Variants in MAPK4 observed in about 807,000 individuals in gnomAD.
MAPK4 encodes Erk3-related.
A neutral mutation model predicts 47.7 loss-of-function variants in MAPK4; 22 were observed. That is an observed-to-expected ratio of 0.46 (90% confidence interval 0.33 to 0.66). The LOEUF (loss-of-function observed/expected upper bound fraction) is 0.66. Among genes scored for constraint, MAPK4 ranks in the 30% least tolerant of loss-of-function variants. The pLI is 0.02. For synonymous variants in MAPK4, 390 were observed against 365.7 expected, an observed-to-expected ratio of 1.07 and a Z score of -0.76; for missense variants, 736 against 831.7, an observed-to-expected ratio of 0.88 and a Z score of 1.42.
At chr18:50,590,306 T>C (rs753256687) in intron 1 of MAPK4, among the ~76,000 whole-genome samples, 2 of 152,224 alleles carry the variant, frequency 1.3e-5, no homozygotes, top group African/African-American at 4.8e-5. Flanking sequence ...TGTAAAAACA[T>C]ACTATTTCTA....
intron 3 of MAPK4, among the ~76,000 whole-genome samples, chr18:50,719,957 G>A (rs3794900): frequency 0.37 from 56,662 of 152,028 alleles, 11,544 homozygotes; most frequent in Non-Finnish European, 0.47. Context: ...CACCTTCCCC[G>A]GAAGTCCTTC....
intron 1 of MAPK4, among the ~76,000 whole-genome samples, chr18:50,606,995 G>A (rs2042588449): frequency 6.6e-6 from 1 of 152,212 alleles, no homozygotes; most frequent in South Asian, 2.1e-4. Context: ...ACATAGCGTG[G>A]TTAAGAAATA....
intron 2 of MAPK4, among the ~76,000 whole-genome samples, chr18:50,674,995 G>T (rs1013837138): frequency 6.6e-6 from 1 of 152,144 alleles, no homozygotes; most frequent in Admixed American, 6.5e-5. Context: ...ATCTCGGTAG[G>T]CTAGAAGCCC....
At chr18:50,674,196 A>T (rs1908127614) in intron 2 of MAPK4, among the ~76,000 whole-genome samples, 1 of 152,228 alleles carries the variant, frequency 6.6e-6, no homozygotes, top group Non-Finnish European at 1.5e-5. Flanking sequence ...CCACTTGGGT[A>T]CACCCAAGTT....
At chr18:50,578,196 A>G (rs966171975) in intron 1 of MAPK4, among the ~76,000 whole-genome samples, 4 of 152,132 alleles carry the variant, frequency 2.6e-5, no homozygotes, top group African/African-American at 9.7e-5. Flanking sequence ...GCTGTTTTAA[A>G]CTGCGAGCGC....
At chr18:50,588,756 A>G (rs959522484) in intron 1 of MAPK4, among the ~76,000 whole-genome samples, 2 of 152,220 alleles carry the variant, frequency 1.3e-5, no homozygotes, top group African/African-American at 4.8e-5. Flanking sequence ...GGGTTTCACC[A>G]TGTTGCCCAG....
rs938627087 is a variant in MAPK4, at chr18:50,663,504, A to T, written c.-455A>T. On this transcript the variant is annotated 5_prime_UTR_variant, in exon 2 of 6. Coordinates refer to ENST00000400384, the MANE Select transcript of MAPK4 (RefSeq NM_002747.4). ...CATCTTAAGGAGCTCAGCTCAGCAA[A>T]CAACTCTTGCATTTCAGCCAGAAAG... 2 of 155,998 alleles carry T rather than the reference A, an allele frequency of 1.3e-5. No individual in the cohort carries two copies. The highest frequency in any genetic ancestry group is 4.8e-5 in the African/African-American group (2 of 41,468). The allele number at this position is 155,998 out of a possible 1,614,324, so 9.7% of individuals were successfully genotyped here.
rs1021723664 is a variant in MAPK4, at chr18:50,595,683, A to G, written c.-871+35440A>G. Among the ~76,000 whole-genome samples, 7 of 152,220 alleles carry G rather than the reference A, an allele frequency of 4.6e-5. No homozygotes were observed. The East Asian group carries it at 5.8e-4, about 13-fold the overall frequency. On this transcript the variant is annotated intron_variant, in intron 1 of 5. Coordinates refer to ENST00000400384, the MANE Select transcript of MAPK4 (RefSeq NM_002747.4). ...AACACTTAAGATCTGGGAAAATTCT[A>G]CCTACATGTTAAGAGATAAATGGTA... is the stretch of plus-strand genomic sequence containing the variant.
At chr18:50,639,824 G>A (rs1598854631) in intron 1 of MAPK4, among the ~76,000 whole-genome samples, 2 of 152,152 alleles carry the variant, frequency 1.3e-5, no homozygotes, top group Admixed American at 1.3e-4. Context: ...AGCTCACCTG[G>A]TAGAATATTC....
chr18:50,699,237 C>T (rs991347187), intron 2 of MAPK4, among the ~76,000 whole-genome samples: 36 of 152,156 alleles, frequency 2.4e-4, no homozygotes, highest in African/African-American at 8.4e-4. Flanking sequence ...AATAAAAGAA[C>T]TACCTTCATC....
intron 1 of MAPK4, among the ~76,000 whole-genome samples, chr18:50,598,265 A>G (rs1025076433): frequency 3.3e-5 from 5 of 152,220 alleles, no homozygotes; most frequent in Admixed American, 1.3e-4. Context: ...GCTGTCCTCC[A>G]GGAATTTCTA....
chr18:50,561,902 A>C (rs1385572515), intron 1 of MAPK4, among the ~76,000 whole-genome samples: 1 of 152,236 alleles, frequency 6.6e-6, no homozygotes, highest in African/African-American at 2.4e-5. Flanking sequence ...ATCAAAGGGC[A>C]ATAAGGCAAA....
intron 1 of MAPK4, among the ~76,000 whole-genome samples, chr18:50,562,577 C>T (rs1034237062): frequency 6.6e-6 from 1 of 152,130 alleles, no homozygotes; most frequent in African/African-American, 2.4e-5. Flanking sequence ...CATCATTGCC[C>T]ATGGCTGGGG....
At chr18:50,673,817 C>G (rs971251828) in intron 2 of MAPK4, among the ~76,000 whole-genome samples, 3 of 152,178 alleles carry the variant, frequency 2.0e-5, no homozygotes, top group Non-Finnish European at 2.9e-5. Flanking sequence ...GATTGTGCCA[C>G]TGCACTCCAG....
chr18:50,599,276 C>T (rs1485110477), intron 1 of MAPK4, among the ~76,000 whole-genome samples: 3 of 152,188 alleles, frequency 2.0e-5, no homozygotes, highest in Non-Finnish European at 4.4e-5. Flanking sequence ...ACTCTTACTT[C>T]TCTAATCTGT....
chr18:50,646,882 T>C (rs2042994990), intron 1 of MAPK4, among the ~76,000 whole-genome samples: 1 of 152,212 alleles, frequency 6.6e-6, no homozygotes, highest in African/African-American at 2.4e-5. Flanking sequence ...TCAATTTAAA[T>C]GTCACTTCTT....
At chr18:50,720,400 C>T (rs546519078) in intron 3 of MAPK4, among the ~76,000 whole-genome samples, 73 of 152,134 alleles carry the variant, frequency 4.8e-4, no homozygotes, top group Non-Finnish European at 9.4e-4. Context: ...CATCCTCATT[C>T]CACAAGGGGT....
At chr18:50,634,881 A>G (rs933634172) in intron 1 of MAPK4, among the ~76,000 whole-genome samples, 12 of 152,174 alleles carry the variant, frequency 7.9e-5, no homozygotes, top group African/African-American at 2.7e-4. Context: ...ACCAGGTCTT[A>G]CACACTCCAG....
At chr18:50,659,254 G>A (rs2043143440) in intron 1 of MAPK4, among the ~76,000 whole-genome samples, 1 of 152,212 alleles carries the variant, frequency 6.6e-6, no homozygotes, top group Non-Finnish European at 1.5e-5. Flanking sequence ...TGACTGCGAT[G>A]TGAATGGTGC....
Sources: gnomAD v4.1 joint callset for allele counts (sites outside exome capture counted in the v4.1 genomes callset) on GRCh38, gnomAD v4.1.1 for gene constraint, MANE v1.5 for transcripts, NCBI Gene and HGNC (gene_info 2026-07-23, HGNC 2026-07-21) for gene names.